Variants in C2orf92 observed in about 807,000 individuals in gnomAD.
C2orf92 encodes chromosome 2 open reading frame 92, also known as uncharacterized protein C2orf92.
chr2:97,700,356 AG>A (rs1302879991), intron 6 of C2orf92, among the ~76,000 whole-genome samples: 1 of 152,184 alleles, frequency 6.6e-6, no homozygotes, highest in Non-Finnish European at 1.5e-5. Flanking sequence ...TTCTGAGGCC[AG>A]GGGGCAGAGG....
intron 3 of C2orf92, among the ~76,000 whole-genome samples, chr2:97,688,196 A>G (rs1446285848): frequency 6.6e-6 from 1 of 151,336 alleles, no homozygotes; most frequent in Non-Finnish European, 1.5e-5. Flanking sequence ...GCAGCTCCTC[A>G]TTGTCCTGGT....
intron 5 of C2orf92, 116 bp downstream of exon 5, chr2:97,690,443 C>T (rs978148506): frequency 2.7e-6 from 1 of 376,894 alleles, no homozygotes; most frequent in Non-Finnish European, 4.7e-6. Flanking sequence ...TACAGCGGTG[C>T]AGTCTCGGCT....
chr2:97,702,309 C>T (rs1676519800), intron 7 of C2orf92: 1 of 162,446 alleles, frequency 6.2e-6, no homozygotes, highest in East Asian at 1.7e-4. Flanking sequence ...ATTCAGGCCA[C>T]CTCCCCCAAC....
rs58388976 is a variant in C2orf92, at chr2:97,676,449, GAAA to G, written c.232+536_232+538del. The stretch of plus-strand genomic sequence containing the variant: ...ACTCCATCTCAAAAAAAAAAAAAAA[GAAA>G]AAAAAAAAAAAAAAGACACCCCTTG... On this transcript the variant is annotated intron_variant, in intron 3 of 7. Coordinates refer to ENST00000627399, the MANE Select transcript of C2orf92 (RefSeq NM_001351368.2). Among the ~76,000 whole-genome samples the G allele has an allele frequency of 8.3e-3, 824 of 99,158 alleles. 4 individuals are homozygous for G. The highest frequency in any genetic ancestry group is 0.018 in the Middle Eastern group (2 of 114). The allele number at this position is 99,158 out of a possible 152,430, so 65.1% of individuals were successfully genotyped here.
rs1241983207 is a variant in C2orf92, at chr2:97,671,435, C to T, written c.46+1601C>T. The T allele has an allele frequency of 9.3e-5, 37 of 398,458 alleles. 1 individual carries two copies. The highest frequency in any genetic ancestry group is 6.1e-4 in the East Asian group (17 of 28,086). The allele number at this position is 398,458 out of a possible 1,614,324, so 24.7% of individuals were successfully genotyped here. Reference sequence around the variant, plus strand: ...GTGCTGGGATTAAAGACGTGAGCCACGGCACCTGGCCTGAATTTTCCTCAA... The same window carrying T: ...GTGCTGGGATTAAAGACGTGAGCCATGGCACCTGGCCTGAATTTTCCTCAA... On this transcript the variant is annotated intron_variant, in intron 1 of 7. Coordinates refer to ENST00000627399, the MANE Select transcript of C2orf92 (RefSeq NM_001351368.2).
At chr2:97,672,058 G>C (rs1398163759) in intron 1 of C2orf92, among the ~76,000 whole-genome samples, 1 of 152,198 alleles carries the variant, frequency 6.6e-6, no homozygotes, top group East Asian at 1.9e-4. Flanking sequence ...TTAGCAGAGA[G>C]CTGAGACGGA....
chr2:97,675,315 T>G (rs759268904), intron 2 of C2orf92, among the ~76,000 whole-genome samples: 7 of 152,246 alleles, frequency 4.6e-5, no homozygotes, highest in Admixed American at 6.5e-5. Flanking sequence ...CATAAGCCAT[T>G]GAGAAAACAT....
At position 97,702,836 on chromosome 2, in the gene C2orf92, A is replaced by C; in HGVS notation, c.*35A>C. ...TGGGGCCGTCAAACCAGGACTTGAA[A>C]CCACAATGCGAGGACATTCTCCATC... On this transcript the variant is annotated 3_prime_UTR_variant, in exon 8 of 8. Coordinates refer to ENST00000627399, the MANE Select transcript of C2orf92 (RefSeq NM_001351368.2). 1 of 398,908 alleles carries C rather than the reference A, an allele frequency of 2.5e-6. No individual in the cohort carries two copies. The highest frequency in any genetic ancestry group is 2.1e-5 in the African/African-American group (1 of 48,720). The allele number at this position is 398,908 out of a possible 1,614,324, so 24.7% of individuals were successfully genotyped here. A position where few individuals can be genotyped will look rare whatever the true frequency, so the allele number is the denominator to read the frequency against.
upstream of C2orf92, chr2:97,669,659 C>T (rs930867854): frequency 7.6e-6 from 3 of 394,210 alleles, no homozygotes; most frequent in African/African-American, 6.2e-5. Context: ...GTTGAGCAGG[C>T]TCCACCTCAC....
intron 3 of C2orf92, among the ~76,000 whole-genome samples, chr2:97,683,408 A>T (rs1160054711): frequency 6.6e-6 from 1 of 152,160 alleles, no homozygotes; most frequent in Non-Finnish European, 1.5e-5. Flanking sequence ...TATTGTTAAG[A>T]TGTCAAAATT....
At chr2:97,680,968 A>G (rs564089593) in intron 3 of C2orf92, among the ~76,000 whole-genome samples, 1 of 147,360 alleles carries the variant, frequency 6.8e-6, no homozygotes, top group African/African-American at 2.5e-5. Flanking sequence ...TTAGCTGGGC[A>G]TGGTGGCATG....
upstream of C2orf92, among the ~76,000 whole-genome samples, chr2:97,667,439 T>G (rs1290961510): frequency 2.0e-5 from 3 of 148,154 alleles, no homozygotes; most frequent in Non-Finnish European, 3.0e-5. Flanking sequence ...AGTTTTTTTT[T>G]TTTTTTTTTT....
chr2:97,694,999 T>A (rs1291517760), intron 5 of C2orf92, among the ~76,000 whole-genome samples: 1 of 152,214 alleles, frequency 6.6e-6, no homozygotes, highest in Non-Finnish European at 1.5e-5. Flanking sequence ...GAATCAGTTG[T>A]TTGTATTTTT....
At chr2:97,675,816 A>C in intron 2 of C2orf92, 29 bp from the exon 3 acceptor site, 1 of 399,086 alleles carries the variant, frequency 2.5e-6, no homozygotes, top group Non-Finnish European at 4.4e-6. Flanking sequence ...TGAAAGACTT[A>C]ATCACAGCCA....
At chr2:97,672,019 G>A (rs1388998741) in intron 1 of C2orf92, among the ~76,000 whole-genome samples, 4 of 152,196 alleles carry the variant, frequency 2.6e-5, no homozygotes, top group African/African-American at 9.7e-5. Flanking sequence ...CACTGAACAT[G>A]TGAGAAAAAC....
intron 3 of C2orf92, among the ~76,000 whole-genome samples, chr2:97,681,106 C>CAAAAAAA (rs58856044): frequency 1.7e-4 from 2 of 11,966 alleles, no homozygotes; most frequent in Non-Finnish European, 2.5e-4. Context: ...GACTCCATCT[C>CAAAAAAA]AAAAAAAAAA....
chr2:97,665,751 A>C (rs1475308919), upstream of C2orf92: 151 of 77,202 alleles, frequency 2.0e-3, no homozygotes, highest in Non-Finnish European at 2.8e-3. Context: ...ATATATATAT[A>C]TATATATATA....
intron 3 of C2orf92, among the ~76,000 whole-genome samples, chr2:97,680,711 G>A (rs1675741614): frequency 6.6e-6 from 1 of 152,146 alleles, no homozygotes; most frequent in Admixed American, 6.5e-5. Flanking sequence ...CGGATCATGA[G>A]GTCAGGAGAT....
At chr2:97,691,288 G>T (rs1327321521) in intron 5 of C2orf92, 1 of 152,718 alleles carries the variant, frequency 6.5e-6, no homozygotes, top group East Asian at 1.9e-4. Flanking sequence ...GGGACAGAGA[G>T]CTAGCCGCAG....
Sources: allele counts gnomAD v4.1 joint callset (sites outside exome capture counted in the v4.1 genomes callset), GRCh38; gene constraint gnomAD v4.1.1; transcripts MANE v1.5; gene names NCBI Gene and HGNC (gene_info 2026-07-23, HGNC 2026-07-21).